RBM39: variants seen among roughly 807,000 people sequenced by gnomAD.
RBM39 encodes RNA-binding protein 39.
RBM39 carries 12 observed loss-of-function variants against 79.6 expected under a neutral mutation model. That is an observed-to-expected ratio of 0.15 (90% CI 0.10 to 0.24). The LOEUF (loss-of-function observed/expected upper bound fraction) is 0.24, where lower values mean the gene tolerates loss of function less well. Among genes scored for constraint, RBM39 ranks in the 10% least tolerant of loss-of-function variants. The pLI is 1.00. For missense variants in RBM39, 243 were observed against 653.4 expected, an observed-to-expected ratio of 0.37 and a Z score of 6.85; for synonymous variants, 185 against 208.4, an observed-to-expected ratio of 0.89 and a Z score of 0.97.
intron 11 of RBM39, chr20:35,713,921 A>C (rs901389929): frequency 2.1e-5 from 7 of 337,444 alleles, no homozygotes; most frequent in Non-Finnish European, 3.8e-5. Flanking sequence ...CTGCAACTAA[A>C]TTTATTCCTA....
At chr20:35,738,195 G>C (rs906615220) in intron 3 of RBM39, among the ~76,000 whole-genome samples, 2 of 151,864 alleles carry the variant, frequency 1.3e-5, no homozygotes, top group East Asian at 1.9e-4. Flanking sequence ...TTGAACCCAG[G>C]AGGCGGAGGT....
At chr20:35,737,421 G>A (rs1325965581) in intron 3 of RBM39, among the ~76,000 whole-genome samples, 4 of 150,698 alleles carry the variant, frequency 2.7e-5, no homozygotes, top group South Asian at 4.2e-4. Context: ...TTAGCCAGGC[G>A]TGGTGGCAGG....
intron 9 of RBM39, among the ~76,000 whole-genome samples, chr20:35,718,389 A>G (rs2037445122): frequency 1.3e-5 from 2 of 152,088 alleles, no homozygotes; most frequent in Admixed American, 6.6e-5. Context: ...CAAAAAGTAA[A>G]CAATATAAAC....
intron 3 of RBM39, among the ~76,000 whole-genome samples, chr20:35,736,895 C>A (rs1278371629): frequency 6.6e-6 from 1 of 151,324 alleles, no homozygotes; most frequent in Non-Finnish European, 1.5e-5. Context: ...TTGTGATCCA[C>A]CCGCCTGAGC....
At chr20:35,734,721 T>G (rs1056986716) in intron 3 of RBM39, 1 of 1,016,072 alleles carries the variant, frequency 9.8e-7, no homozygotes, top group Non-Finnish European at 1.3e-6. Context: ...CCCAGGCAGG[T>G]AAAAAGACAG....
intron 8 of RBM39, 133 bp downstream of exon 8, chr20:35,724,432 TAAAAA>T (rs74980478): frequency 2.6e-5 from 16 of 617,852 alleles, no homozygotes; most frequent in Admixed American, 4.1e-5. Flanking sequence ...AACGCAAAGT[TAAAAA>T]AAAAAAAAAA....
At chr20:35,741,069 T>C (rs1346696950) in intron 1 of RBM39, among the ~76,000 whole-genome samples, 182 bp from the exon 2 acceptor site, 1 of 96,720 alleles carries the variant, frequency 1.0e-5, no homozygotes, top group Non-Finnish European at 2.1e-5. Flanking sequence ...AGTTTCGCTC[T>C]AGTTGCCCAG....
intron 12 of RBM39, 80 bp downstream of exon 12, chr20:35,712,939 T>C: frequency 9.1e-7 from 1 of 1,103,970 alleles, no homozygotes; most frequent in East Asian, 2.6e-5. Context: ...TCTCAGTAAG[T>C]CCTTTTAAAT....
chr20:35,740,571 G>A, intron 2 of RBM39: 1 of 1,433,380 alleles, frequency 7.0e-7, no homozygotes, highest in South Asian at 1.2e-5. Flanking sequence ...ATTCATGGGA[G>A]TAGAGGTGAG....
intron 14 of RBM39, among the ~76,000 whole-genome samples, chr20:35,706,093 CTTTCGG>C: frequency 6.6e-6 from 1 of 152,180 alleles, no homozygotes; most frequent in African/African-American, 2.4e-5. Context: ...AATCCCAGCA[CTTTCGG>C]ATGCTGAAGC....
At chr20:35,734,300 T>C (rs2039684078) in intron 3 of RBM39, 3 of 1,125,010 alleles carry the variant, frequency 2.7e-6, no homozygotes, top group South Asian at 2.6e-5. Flanking sequence ...GAAATGTATA[T>C]GCTAGGTAGC....
chr20:35,713,364 T>C (rs909888466), intron 11 of RBM39: 1 of 288,596 alleles, frequency 3.5e-6, no homozygotes, highest in African/African-American at 2.2e-5. Context: ...AGGCTCTTGT[T>C]GCACAGGCTG....
At chr20:35,718,586 C>T (rs4911517) in intron 9 of RBM39, among the ~76,000 whole-genome samples, 8 of 151,526 alleles carry the variant, frequency 5.3e-5, no homozygotes, top group East Asian at 1.9e-4. Flanking sequence ...CCGAGGAGGG[C>T]GAATCACCAG....
chr20:35,725,167 A>G lies in RBM39; in HGVS notation c.417-12T>C. 1 of 1,397,090 alleles carries G rather than the reference A, an allele frequency of 7.2e-7. No individual in the cohort carries two copies. The highest frequency in any genetic ancestry group is 9.9e-7 in the Non-Finnish European group (1 of 1,009,050). The allele number at this position is 1,397,090 out of a possible 1,614,324, so 86.5% of individuals were successfully genotyped here. A position where few individuals can be genotyped will look rare whatever the true frequency, so the allele number is the denominator to read the frequency against. ...TATCAATAGGTTCTCTAATAGGAGT[A>G]AAACATATAAAATTAATTTCATAAC... On this transcript the variant is annotated splice_polypyrimidine_tract_variant and intron_variant, in intron 6 of 16. Transcript: ENST00000253363.
intron 3 of RBM39, chr20:35,734,470 A>G (rs1298421327): frequency 8.1e-6 from 2 of 245,612 alleles, no homozygotes; most frequent in East Asian, 1.0e-4. Flanking sequence ...TCTAAAACCA[A>G]AAGTCCTAAA....
At chr20:35,732,286 A>C (rs1175548214) in intron 3 of RBM39, 151 bp from the exon 4 acceptor site, 1 of 700,822 alleles carries the variant, frequency 1.4e-6, no homozygotes, top group African/African-American at 1.8e-5. Context: ...TACTTAAAAA[A>C]AAAAAAAAAT....
At chr20:35,737,959 T>C (rs898398450) in intron 3 of RBM39, among the ~76,000 whole-genome samples, 1 of 148,742 alleles carries the variant, frequency 6.7e-6, no homozygotes, top group Non-Finnish European at 1.5e-5. Context: ...ATGGAGACCA[T>C]TCTGGCTAAC....
intron 9 of RBM39, among the ~76,000 whole-genome samples, chr20:35,718,196 A>C (rs147502390): frequency 0.01 from 1,542 of 152,234 alleles, 15 homozygotes; most frequent in African/African-American, 0.035. Flanking sequence ...TATTTTACCA[A>C]AATTTTAAAA....
At chr20:35,740,616 G>T in intron 2 of RBM39, 1 of 1,447,836 alleles carries the variant, frequency 6.9e-7, no homozygotes, top group Non-Finnish European at 9.4e-7. Flanking sequence ...AGAGATAGAT[G>T]GGCATTTATT....
Sources: allele counts gnomAD v4.1 joint callset (sites outside exome capture counted in the v4.1 genomes callset), GRCh38; gene constraint gnomAD v4.1.1; transcripts MANE v1.5; gene names NCBI Gene and HGNC (gene_info 2026-07-23, HGNC 2026-07-21).